GPHN: variants seen among roughly 807,000 people sequenced by gnomAD.
The protein encoded by GPHN is gephyrin.
GPHN carries 17 observed loss-of-function variants against 95.5 expected under a neutral mutation model. The observed-to-expected ratio is 0.18, with a 90% CI of 0.12 to 0.27. GPHN has a LOEUF of 0.27. GPHN is among the 10% of genes least tolerant of loss of function. GPHN has a pLI of 1.00. For synonymous variants in GPHN, 320 were observed against 322.5 expected, an observed-to-expected ratio of 0.99 and a Z score of 0.08; for missense variants, 660 against 978.1, an observed-to-expected ratio of 0.67 and a Z score of 4.34.
In GPHN at chr14:66,808,294, C is replaced by A. The variant is rs1383635672; in HGVS notation, c.202-16180C>A. On this transcript the variant is annotated intron_variant, in intron 3 of 22. Coordinates refer to ENST00000478722, the MANE Select transcript of GPHN (RefSeq NM_020806.5). ...AATTTTAGATATGAATCCTTTGATACATGTATCATCCATTTATTCTCCTCC... is the reference window on the plus strand; with the variant it reads ...AATTTTAGATATGAATCCTTTGATAAATGTATCATCCATTTATTCTCCTCC... 1.3e-5 allele frequency among the ~76,000 whole-genome samples: 2 copies of A among 152,108 alleles called. 1 individual carries two copies. Among genetic ancestry groups the A allele is most frequent in the Non-Finnish European group, 2.9e-5 (2 of 68,026 alleles).
the GPHN span, chr14:67,312,419 T>C: frequency 1.3e-6 from 1 of 786,956 alleles, no homozygotes; most frequent in East Asian, 3.1e-5. Context: ...CTCTATTAAA[T>C]TTTTTTAAAA....
At chr14:67,007,797 A>T (rs925357461) in intron 9 of GPHN, among the ~76,000 whole-genome samples, 1 of 152,132 alleles carries the variant, frequency 6.6e-6, no homozygotes, top group African/African-American at 2.4e-5. Context: ...CCTTTGCTTT[A>T]TAGAGTCATA....
chr14:67,339,574 C>A, the GPHN span, among the ~76,000 whole-genome samples: 3 of 152,152 alleles, frequency 2.0e-5, no homozygotes, highest in Non-Finnish European at 4.4e-5. Flanking sequence ...AGTATTTATA[C>A]CTGTTGACTC....
intron 5 of GPHN, among the ~76,000 whole-genome samples, chr14:66,880,870 CTTAAG>C (rs901701346): frequency 2.0e-4 from 31 of 151,892 alleles, no homozygotes; most frequent in African/African-American, 7.2e-4. Flanking sequence ...AATTACATCA[CTTAAG>C]TTAAAGATAG....
chr14:66,853,172 G>T (rs931919640), intron 4 of GPHN, among the ~76,000 whole-genome samples: 9 of 151,966 alleles, frequency 5.9e-5, no homozygotes, highest in African/African-American at 2.2e-4. Flanking sequence ...TGATTTTATT[G>T]TAGATTTTTA....
the GPHN span, among the ~76,000 whole-genome samples, chr14:67,288,503 T>G: frequency 3.3e-5 from 5 of 152,180 alleles, no homozygotes; most frequent in African/African-American, 1.2e-4. Flanking sequence ...ACTCCATCTT[T>G]ACGAAGAAAA....
chr14:66,880,068 C>G (rs1279183270), intron 5 of GPHN, 35 bp downstream of exon 5: 1 of 1,241,234 alleles, frequency 8.1e-7, no homozygotes, highest in Non-Finnish European at 1.2e-6. Context: ...AAACCATTTG[C>G]TAGGTGAACT....
At chr14:67,262,999 T>C in the GPHN span, among the ~76,000 whole-genome samples, 3 of 152,202 alleles carry the variant, frequency 2.0e-5, no homozygotes, top group Non-Finnish European at 4.4e-5. Context: ...ATTTAATCTT[T>C]TATTGCTAAG....
the GPHN span, among the ~76,000 whole-genome samples, chr14:67,680,744 C>A: frequency 1.3e-5 from 2 of 152,208 alleles, no homozygotes; most frequent in African/African-American, 4.8e-5. Flanking sequence ...CAGGCGTGAG[C>A]CGCCGCGCCC....
the GPHN span, among the ~76,000 whole-genome samples, chr14:67,606,056 A>G: frequency 6.6e-6 from 1 of 152,184 alleles, no homozygotes; most frequent in Non-Finnish European, 1.5e-5. Context: ...TAACCTAGCA[A>G]TGGAAAGAAA....
intron 11 of GPHN, among the ~76,000 whole-genome samples, chr14:67,062,092 AAAG>A (rs755951546): frequency 3.9e-5 from 6 of 152,216 alleles, no homozygotes; most frequent in Admixed American, 6.5e-5. Flanking sequence ...ATATAAAAAA[AAAG>A]CAGAGTTCTG....
chr14:67,451,674 T>C, the GPHN span, among the ~76,000 whole-genome samples: 1 of 152,240 alleles, frequency 6.6e-6, no homozygotes, highest in Non-Finnish European at 1.5e-5. Context: ...CCCCATTGTA[T>C]CTAGGAAGTA....
At chr14:67,600,212 C>A in the GPHN span, 38 of 1,562,022 alleles carry the variant, frequency 2.4e-5, no homozygotes, top group African/African-American at 2.9e-4. Flanking sequence ...ATGACGCCCC[C>A]ACTCGGCCGC....
chr14:66,977,502 G>A (rs2070334340), intron 9 of GPHN, among the ~76,000 whole-genome samples: 1 of 151,976 alleles, frequency 6.6e-6, no homozygotes, highest in Admixed American at 6.6e-5. Flanking sequence ...TATTAAAGAG[G>A]CCATCTCAAA....
chr14:67,270,266 T>C, the GPHN span: 2 of 152,164 alleles, frequency 1.3e-5, no homozygotes, highest in South Asian at 4.1e-4. Flanking sequence ...TCTCCCTTAC[T>C]AGTTTGAGGT....
the GPHN span, among the ~76,000 whole-genome samples, chr14:67,517,831 G>A: frequency 6.6e-6 from 1 of 152,234 alleles, no homozygotes; most frequent in Admixed American, 6.5e-5. Context: ...CAGGGTTAGA[G>A]TGCTAGTAAA....
intron 2 of GPHN, among the ~76,000 whole-genome samples, chr14:66,772,352 AC>A (rs1313015599): frequency 6.6e-6 from 1 of 152,174 alleles, no homozygotes; most frequent in East Asian, 1.9e-4. Flanking sequence ...TTAATCTTTG[AC>A]CTCGTGGTAG....
At chr14:67,146,185 C>A (rs2080886503) in intron 18 of GPHN, among the ~76,000 whole-genome samples, 1 of 152,206 alleles carries the variant, frequency 6.6e-6, no homozygotes, top group South Asian at 2.1e-4. Flanking sequence ...ACTTCTCCAA[C>A]ATACTGCATG....
At chr14:67,565,013 T>C in the GPHN span, among the ~76,000 whole-genome samples, 1 of 152,056 alleles carries the variant, frequency 6.6e-6, no homozygotes, top group Non-Finnish European at 1.5e-5. Flanking sequence ...TTTTCCATGA[T>C]AAAAAGTTAA....
Sources: gnomAD v4.1 joint callset for allele counts (sites outside exome capture counted in the v4.1 genomes callset) on GRCh38, gnomAD v4.1.1 for gene constraint, MANE v1.5 for transcripts, NCBI Gene and HGNC (gene_info 2026-07-23, HGNC 2026-07-21) for gene names.